The following NIPBL variants were observed in gnomAD, a reference collection of about 807,000 sequenced individuals.
NIPBL encodes the protein NIPBL cohesin loading factor.
NIPBL carries 19 observed loss-of-function variants against 321.8 expected under a neutral mutation model. The ratio of observed to expected loss-of-function variants is 0.06; its 90% CI spans 0.04 to 0.09. The LOEUF is 0.09. Ranked by LOEUF, NIPBL falls within the 10% of genes least tolerant of loss-of-function variation. NIPBL has a pLI of 1.00. For synonymous variants in NIPBL, 1,106 were observed against 1,114.1 expected (o/e 0.99, Z 0.14); for missense variants, 2,210 against 3,327.0 (o/e 0.66, Z 8.26).
At chr5:36,917,976 C>G (rs976179466) in intron 1 of NIPBL, among the ~76,000 whole-genome samples, 11 of 152,108 alleles carry the variant, frequency 7.2e-5, no homozygotes, top group African/African-American at 2.7e-4. Flanking sequence ...CAGCTTTGTT[C>G]TTTTGGCTTA....
rs535007621 is a variant in NIPBL, at chr5:37,021,916, G to T, written c.5329-135G>T. ...AGTTAAACTTTGAATCATTAGGAAA[G>T]ATCCTTTACTCATTTATATACAGAT... On this transcript the variant is annotated intron_variant, in intron 27 of 46. Coordinates refer to ENST00000282516, the MANE Select transcript of NIPBL (RefSeq NM_133433.4). The T allele has an allele frequency of 7.1e-5, 51 of 720,786 alleles. No individual in the cohort carries two copies. In the African/African-American group the frequency reaches 8.7e-4, roughly 12 times the overall value. The allele number at this position is 720,786 out of a possible 1,614,324, so 44.6% of individuals were successfully genotyped here.
intron 1 of NIPBL, among the ~76,000 whole-genome samples, chr5:36,933,538 A>G (rs1342653626): frequency 1.3e-5 from 2 of 152,150 alleles, no homozygotes; most frequent in African/African-American, 4.8e-5. Flanking sequence ...CAGGAAAGAA[A>G]AGGATTATAA....
rs188300804 is a variant in NIPBL, at chr5:36,987,258, T to C, written c.3121+957T>C. On this transcript the variant is annotated intron_variant, in intron 10 of 46. Coordinates refer to ENST00000282516, the MANE Select transcript of NIPBL (RefSeq NM_133433.4). ...GTTTTCCTTCTGTGAAAGAGAATTA[T>C]TAAGAATTTAGATTTATACTTATAT... Among the ~76,000 whole-genome samples, 146 of 152,268 alleles carry C rather than the reference T, an allele frequency of 9.6e-4. 1 individual carries two copies. The highest frequency in any genetic ancestry group is 3.2e-3 in the African/African-American group (131 of 41,560).
chr5:36,905,910 T>A (rs1747599203), intron 1 of NIPBL, among the ~76,000 whole-genome samples: 1 of 151,632 alleles, frequency 6.6e-6, no homozygotes, highest in South Asian at 2.1e-4. Context: ...ACCCAGCTAA[T>A]TTTTTTTGTA....
At chr5:36,914,947 T>C (rs921515748) in intron 1 of NIPBL, among the ~76,000 whole-genome samples, 6 of 152,104 alleles carry the variant, frequency 3.9e-5, no homozygotes, top group African/African-American at 7.2e-5. Context: ...CCTGAAACTT[T>C]TTAAAATATT....
At chr5:36,917,317 T>A (rs1748542701) in intron 1 of NIPBL, among the ~76,000 whole-genome samples, 1 of 152,244 alleles carries the variant, frequency 6.6e-6, no homozygotes, top group Non-Finnish European at 1.5e-5. Flanking sequence ...TTCATATCCT[T>A]CGCCCCCTTT....
chr5:37,006,642 C>T, intron 17 of NIPBL, 54 bp downstream of exon 17: 1 of 1,122,150 alleles, frequency 8.9e-7, no homozygotes, highest in South Asian at 1.4e-5. Context: ...TTAGATGAGT[C>T]AAAATAGGAC....
At chr5:36,886,446 G>T (rs1745912556) in intron 1 of NIPBL, 1 of 744,896 alleles carries the variant, frequency 1.3e-6, no homozygotes. Context: ...GCTGGATAGT[G>T]GATGGCAGAG....
At chr5:37,044,204 G>GAA in intron 34 of NIPBL, 143 bp from the exon 35 acceptor site, 3 of 674,174 alleles carry the variant, frequency 4.4e-6, no homozygotes, top group Non-Finnish European at 7.3e-6. Flanking sequence ...TCCATACCTT[G>GAA]AAAAAAAAAC....
intron 33 of NIPBL, among the ~76,000 whole-genome samples, chr5:37,036,996 ATTAT>A (rs1439375522): frequency 2.6e-5 from 4 of 152,080 alleles, no homozygotes; most frequent in Admixed American, 6.6e-5. Context: ...AAAATCACAA[ATTAT>A]TTAAGTACTT....
chr5:36,971,118 A>G lies in NIPBL; in HGVS notation c.771+82A>G, dbSNP rs1191057915. The G allele has an allele frequency of 9.0e-6, 10 of 1,105,362 alleles. No individual in the cohort carries two copies. The Admixed American group carries it at 1.5e-4, about 16-fold the overall frequency. The allele number at this position is 1,105,362 out of a possible 1,614,324, so 68.5% of individuals were successfully genotyped here. ...CTAGTATTTCCATTTCAAAATTTGA[A>G]TGATACCTACCGTATATCATTATAC... is the stretch of plus-strand genomic sequence containing the variant. On this transcript the variant is annotated intron_variant, in intron 7 of 46. Transcript: ENST00000282516.
At chr5:37,043,640 T>C (rs921764096) in intron 34 of NIPBL, among the ~76,000 whole-genome samples, 10 of 151,926 alleles carry the variant, frequency 6.6e-5, no homozygotes, top group East Asian at 1.9e-4. Flanking sequence ...CAGGATTGCA[T>C]TGAGCTGTGA....
At chr5:36,992,968 C>T (rs949671295) in intron 10 of NIPBL, among the ~76,000 whole-genome samples, 14 of 151,996 alleles carry the variant, frequency 9.2e-5, no homozygotes, top group Non-Finnish European at 1.9e-4. Context: ...GTCTCGATCT[C>T]CTGACCTCGT....
intron 6 of NIPBL, among the ~76,000 whole-genome samples, chr5:36,969,514 GAA>G (rs1742616684): frequency 6.6e-6 from 1 of 152,168 alleles, no homozygotes; most frequent in Non-Finnish European, 1.5e-5. Context: ...ATGGGGGAAA[GAA>G]TGATTTCTTT....
intron 1 of NIPBL, among the ~76,000 whole-genome samples, chr5:36,887,855 C>G (rs568224205): frequency 3.9e-5 from 6 of 152,160 alleles, no homozygotes; most frequent in Non-Finnish European, 8.8e-5. Context: ...CTGAACTCAT[C>G]CCTTAATTCT....
At chr5:36,990,044 A>G (rs1745318929) in intron 10 of NIPBL, among the ~76,000 whole-genome samples, 1 of 151,984 alleles carries the variant, frequency 6.6e-6, no homozygotes, top group South Asian at 2.1e-4. Context: ...TCCAACTAGT[A>G]TATCATTCTC....
At chr5:36,966,428 C>T (rs1742210746) in intron 6 of NIPBL, among the ~76,000 whole-genome samples, 1 of 152,036 alleles carries the variant, frequency 6.6e-6, no homozygotes, top group Non-Finnish European at 1.5e-5. Flanking sequence ...GGCAAGAGTA[C>T]TTGGTAAGCA....
chr5:37,048,718 T>C (rs760579032), intron 39 of NIPBL, 43 bp downstream of exon 39: 2 of 1,383,260 alleles, frequency 1.4e-6, no homozygotes, highest in East Asian at 2.4e-5. Flanking sequence ...TACATTTATA[T>C]TATAATGGCT....
chr5:36,904,372 G>A (rs1476051681), intron 1 of NIPBL, among the ~76,000 whole-genome samples: 1 of 152,164 alleles, frequency 6.6e-6, no homozygotes, highest in Non-Finnish European at 1.5e-5. Flanking sequence ...GGGAGGCTGA[G>A]GCAGGAGAAT....
Sources: allele counts gnomAD v4.1 joint callset (sites outside exome capture counted in the v4.1 genomes callset), GRCh38; gene constraint gnomAD v4.1.1; transcripts MANE v1.5; gene names NCBI Gene and HGNC (gene_info 2026-07-23, HGNC 2026-07-21).